CSMD3: variants seen among roughly 807,000 people sequenced by gnomAD.
CSMD3 encodes the protein CUB and Sushi multiple domains 3.
In CSMD3, 177 loss-of-function variants were observed where a neutral mutation model predicts 435.2. The observed-to-expected ratio is 0.41, with a 90% confidence interval of 0.36 to 0.46. The LOEUF (loss-of-function observed/expected upper bound fraction) is 0.46. Among genes scored for constraint, CSMD3 ranks in the 20% least tolerant of loss-of-function variants. The pLI, the probability that CSMD3 is intolerant of heterozygous loss-of-function variation, is 0.34. For synonymous variants in CSMD3, 1,656 were observed against 1,520.5 expected (o/e 1.09, Z -2.07); for missense variants, 4,265 against 4,504.6 (o/e 0.95, Z 1.52).
At chr8:113,038,611 T>C (rs1168354732) in intron 5 of CSMD3, among the ~76,000 whole-genome samples, 2 of 152,134 alleles carry the variant, frequency 1.3e-5, no homozygotes, top group African/African-American at 2.4e-5. Context: ...GGGGAAAATA[T>C]TGTGACAAGT....
chr8:113,005,739 A>C (rs1204965754), intron 6 of CSMD3, among the ~76,000 whole-genome samples: 1 of 152,070 alleles, frequency 6.6e-6, no homozygotes, highest in Non-Finnish European at 1.5e-5. Flanking sequence ...TTATCAGCTT[A>C]ATGTCAGTGC....
intron 3 of CSMD3, among the ~76,000 whole-genome samples, chr8:113,198,170 TTTTTA>T (rs2092679925): frequency 6.6e-6 from 1 of 151,472 alleles, no homozygotes; most frequent in Non-Finnish European, 1.5e-5. Flanking sequence ...CTAGCTTTGC[TTTTTA>T]TTAGCTTGGC....
rs181371380 is a variant in CSMD3, at chr8:113,094,583, G to A, written c.917+4173C>T. 1.3e-3 allele frequency among the ~76,000 whole-genome samples: 195 copies of A among 152,032 alleles called. 3 individuals are homozygous for A. Among genetic ancestry groups the A allele is most frequent in the Non-Finnish European group, 1.8e-4 (12 of 67,982 alleles). ...ACGCTACTAATCTATTTATCACTAG[G>A]TCTTATTTATTCTATCAAATCATGT... is the stretch of plus-strand genomic sequence containing the variant. On this transcript the variant is annotated intron_variant, in intron 5 of 70. Transcript: ENST00000297405.
rs78417094 is a variant in CSMD3 at position 113,031,933 on chromosome 8, G to C, written c.918-12754C>G. Reference sequence around the variant, plus strand: ...TAGTGAGGGAGTTCTCATGAGATATGATGGTTTTAAAACTGGTAGGTTCTC... The same window carrying C: ...TAGTGAGGGAGTTCTCATGAGATATCATGGTTTTAAAACTGGTAGGTTCTC... On this transcript the variant is annotated intron_variant, in intron 5 of 70. Coordinates refer to ENST00000297405, the MANE Select transcript of CSMD3 (RefSeq NM_198123.2). 1.4e-3 allele frequency among the ~76,000 whole-genome samples: 218 copies of C among 151,628 alleles called. 2 individuals carry two copies. The highest frequency in any genetic ancestry group is 2.2e-3 in the Non-Finnish European group (150 of 67,810).
At position 112,342,174 on chromosome 8, in the gene CSMD3, C is replaced by A. The variant is rs78366470; in HGVS notation, c.6443-488G>T. On this transcript the variant is annotated intron_variant, in intron 41 of 70. Transcript: ENST00000297405. ...AGAAATTAACTTCTCAGAAATATAA[C>A]GTATATAATTTAAAGGGTGCTCTTT... 8.8e-4 allele frequency among the ~76,000 whole-genome samples: 134 copies of A among 152,002 alleles called. 1 individual carries two copies. In the East Asian group the frequency reaches 0.023, roughly 26 times the overall value.
rs751765708 is a variant in CSMD3 at position 112,335,395 on chromosome 8, T to A, written c.7099A>T (p.Asn2367Tyr). Residue 2367 changes from asparagine (N) to tyrosine (Y), a missense_variant, in exon 45 of 71, where the codon AAT (asparagine) becomes TAT (tyrosine). Physicochemically the swap from Asn to Tyr is moderately radical, Grantham distance 143. Transcript: ENST00000297405. ...TALESVYSTS[N>Y]QILIKFHSDF... Reference sequence around the variant, plus strand: ...CTGTGGAATTTGATTAGAATCTGATTTGAAGTACTGTAGACTGATTCCAAA... The same window carrying A: ...CTGTGGAATTTGATTAGAATCTGATATGAAGTACTGTAGACTGATTCCAAA... 3 of 1,613,986 alleles carry A rather than the reference T, an allele frequency of 1.9e-6. No homozygotes were observed. Among genetic ancestry groups the A allele is most frequent in the Admixed American group, 1.7e-5 (1 of 60,010 alleles).
intron 45 of CSMD3, among the ~76,000 whole-genome samples, chr8:112,321,735 AG>A (rs1823013817): frequency 6.6e-6 from 1 of 152,164 alleles, no homozygotes; most frequent in Admixed American, 6.6e-5. Flanking sequence ...TCCTTCCAGT[AG>A]TTTAACCTGT....
intron 27 of CSMD3, among the ~76,000 whole-genome samples, chr8:112,546,716 G>A (rs756343867): frequency 6.6e-6 from 1 of 152,206 alleles, no homozygotes; most frequent in Non-Finnish European, 1.5e-5. Flanking sequence ...TGACTACTGA[G>A]AAGTGAGGAC....
chr8:112,743,385 C>T (rs1042498896), intron 13 of CSMD3, among the ~76,000 whole-genome samples: 8 of 151,682 alleles, frequency 5.3e-5, no homozygotes, highest in Non-Finnish European at 7.4e-5. Flanking sequence ...TCCAACCTCT[C>T]ATATGTTTTA....
rs530346511 is a variant in CSMD3 at position 112,255,965 on chromosome 8, AT to A, written c.9863-539del. The A allele has an allele frequency of 3.9e-3, 591 of 152,790 alleles. 2 individuals carry two copies. Among genetic ancestry groups the A allele is most frequent in the Non-Finnish European group, 6.2e-3 (427 of 68,408 alleles). The allele number at this position is 152,790 out of a possible 1,614,324, so 9.5% of individuals were successfully genotyped here. On this transcript the variant is annotated intron_variant, in intron 61 of 70. Transcript: ENST00000297405. ...CCTTCCTCTCCAAAATACTGTCGGT[AT>A]TTTTAAAGCATTTTTTAAAAGAAAA...
chr8:113,018,952 TCAATACAAA>T, intron 6 of CSMD3, 106 bp downstream of exon 6: 2 of 757,520 alleles, frequency 2.6e-6, no homozygotes, highest in Non-Finnish European at 4.7e-6. Context: ...ACCATTTTTT[TCAATACAAA>T]TTCCAATTTC....
chr8:112,982,590 T>C (rs765914074), intron 6 of CSMD3, among the ~76,000 whole-genome samples: 19 of 152,064 alleles, frequency 1.2e-4, no homozygotes, highest in South Asian at 1.0e-3. Flanking sequence ...GCAGCTCTCA[T>C]GGAAGAATAT....
intron 3 of CSMD3, among the ~76,000 whole-genome samples, chr8:113,178,767 T>G (rs1015252736): frequency 6.6e-6 from 1 of 151,876 alleles, no homozygotes; most frequent in Admixed American, 6.6e-5. Context: ...GTTATTAGGT[T>G]TGGCAATACA....
At chr8:112,602,215 G>T (rs1401319902) in intron 22 of CSMD3, among the ~76,000 whole-genome samples, 2 of 152,010 alleles carry the variant, frequency 1.3e-5, no homozygotes, top group Non-Finnish European at 2.9e-5. Context: ...ATTTTTTTCA[G>T]CACATTTAAA....
chr8:112,294,807 TA>T (rs1820106052), intron 54 of CSMD3, among the ~76,000 whole-genome samples: 1 of 152,202 alleles, frequency 6.6e-6, no homozygotes, highest in Non-Finnish European at 1.5e-5. Flanking sequence ...AAAATATTTC[TA>T]AAATTACATA....
intron 5 of CSMD3, among the ~76,000 whole-genome samples, chr8:113,067,096 T>C (rs969273099): frequency 6.6e-6 from 1 of 152,146 alleles, no homozygotes; most frequent in Admixed American, 6.5e-5. Context: ...ATTTTTTGTC[T>C]TCTTTTTCTC....
chr8:112,943,645 C>T (rs1165305591), intron 9 of CSMD3, among the ~76,000 whole-genome samples: 1 of 151,582 alleles, frequency 6.6e-6, no homozygotes, highest in East Asian at 1.9e-4. Flanking sequence ...GATTTTTATT[C>T]CTTTACAACC....
At chr8:113,234,100 T>C (rs573921525) in intron 3 of CSMD3, among the ~76,000 whole-genome samples, 40 of 152,210 alleles carry the variant, frequency 2.6e-4, no homozygotes, top group African/African-American at 8.7e-4. Context: ...CTTGGAAAGA[T>C]AGTTCCGAAT....
At chr8:112,934,639 C>T (rs2083220937) in intron 9 of CSMD3, among the ~76,000 whole-genome samples, 2 of 152,082 alleles carry the variant, frequency 1.3e-5, no homozygotes, top group Admixed American at 1.3e-4. Context: ...TTGTGCAGTG[C>T]ACAATGCTAA....
Sources: allele counts gnomAD v4.1 joint callset (sites outside exome capture counted in the v4.1 genomes callset), GRCh38; gene constraint gnomAD v4.1.1; transcripts MANE v1.5; gene names NCBI Gene and HGNC (gene_info 2026-07-23, HGNC 2026-07-21).